ERCC2: variants seen among roughly 807,000 people sequenced by gnomAD.
The protein encoded by ERCC2 is ERCC excision repair 2, TFIIH core complex helicase subunit.
A neutral mutation model predicts 99.4 loss-of-function variants in ERCC2; 90 were observed. The ratio of observed to expected loss-of-function variants is 0.91; its 90% CI spans 0.76 to 1.08. The LOEUF (loss-of-function observed/expected upper bound fraction) is 1.08. Ranked by LOEUF, ERCC2 falls within the 50% of genes least tolerant of loss-of-function variation. ERCC2 has a pLI of 0.00. For synonymous variants in ERCC2, 497 were observed against 432.4 expected, an observed-to-expected ratio of 1.15 and a Z score of -1.85; for missense variants, 993 against 1,038.1, an observed-to-expected ratio of 0.96 and a Z score of 0.60.
At position 45,351,223 on chromosome 19, in the gene ERCC2, G is replaced by C; in HGVS notation, c.*406C>G. On this transcript the variant is annotated 3_prime_UTR_variant, in exon 23 of 23. Transcript: ENST00000391945. ...TGGCTGCCAGGCTGGACCTGGAGCT[G>C]GAGGGTGGATGTAACACTTGCCCCT... The C allele has an allele frequency of 1.3e-6, 2 of 1,591,786 alleles. No individual in the cohort carries two copies. Among genetic ancestry groups the C allele is most frequent in the Non-Finnish European group, 1.7e-6 (2 of 1,168,992 alleles).
At chr19:45,368,809 G>C in intron 4 of ERCC2, 66 bp from the exon 5 acceptor site, 1 of 1,553,974 alleles carries the variant, frequency 6.4e-7, no homozygotes, top group Non-Finnish European at 8.9e-7. Flanking sequence ...TGCCCTGCCA[G>C]GTCCCAGTCT....
At chr19:45,353,391 A>G in intron 17 of ERCC2, 57 bp from the exon 18 acceptor site, 1 of 1,200,062 alleles carries the variant, frequency 8.3e-7, no homozygotes, top group Non-Finnish European at 1.2e-6. Context: ...TCCTGGTTAC[A>G]TCCAACTCTT....
At chr19:45,359,506 G>A (rs1292273688) in intron 12 of ERCC2, among the ~76,000 whole-genome samples, 4 of 152,194 alleles carry the variant, frequency 2.6e-5, no homozygotes, top group African/African-American at 9.7e-5. Flanking sequence ...TTCACGCTGA[G>A]GATGGGGAGG....
intron 15 of ERCC2, 124 bp from the exon 16 acceptor site, chr19:45,355,852 A>G: frequency 1.3e-6 from 1 of 774,768 alleles, no homozygotes; most frequent in East Asian, 2.7e-5. Flanking sequence ...ACAGGGTGTC[A>G]CCATGTTGCC....
At chr19:45,355,617 C>T (rs752088460) in intron 16 of ERCC2, 48 bp downstream of exon 16, 6 of 1,506,676 alleles carry the variant, frequency 4.0e-6, no homozygotes, top group Non-Finnish European at 5.5e-6. Context: ...CTGACTGATA[C>T]ACCTCCCCTC....
In ERCC2 at chr19:45,363,768, C is replaced by T. The variant is rs751177434; in HGVS notation, c.1093G>A (p.Val365Met). The change falls in exon 11 of 23, where the codon GTG (valine) becomes ATG (methionine). Residue 365 changes from valine (V) to methionine (M), a missense_variant. By Grantham distance (21) the Val-to-Met change is conservative. Transcript: ENST00000391945. The part of the protein sequence containing the change: ...PAFLSGLAQR[V>M]CIQRKPLRFC... ...CTGAGGGGCTTGCGCTGGATGCACA[C>T]GCGCTGGGCCAGGCCGCTCAGGAAG... 2.6e-6 allele frequency: 4 copies of T among 1,536,658 alleles called. No individual in the cohort carries two copies. The highest frequency in any genetic ancestry group is 2.0e-5 in the Admixed American group (1 of 51,248).
intron 5 of ERCC2, among the ~76,000 whole-genome samples, chr19:45,367,364 TATATACACACACACACAC>T (rs1170303998): frequency 3.9e-5 from 4 of 102,166 alleles, no homozygotes; most frequent in Admixed American, 1.0e-4. Context: ...AATATATATA[TATATACACACACACACAC>T]ACACACACAC....
intron 15 of ERCC2, among the ~76,000 whole-genome samples, chr19:45,356,457 G>A (rs1972016604): frequency 6.6e-6 from 1 of 152,212 alleles, no homozygotes; most frequent in African/African-American, 2.4e-5. Flanking sequence ...AGACCCCACT[G>A]TGGGCATCAC....
chr19:45,353,757 A>G (rs923129682), intron 17 of ERCC2, among the ~76,000 whole-genome samples: 4 of 152,218 alleles, frequency 2.6e-5, no homozygotes, highest in Non-Finnish European at 5.9e-5. Flanking sequence ...TGTGCAGTTC[A>G]GTGGGGAGAG....
Position 45,364,839 on chromosome 19 carries a change from G to C in ERCC2, c.593C>G (p.Ser198Ter), listed in dbSNP as rs767895008. 1 of 1,607,302 alleles carries C rather than the reference G, an allele frequency of 6.2e-7. No individual in the cohort carries two copies. Among genetic ancestry groups the C allele is most frequent in the Non-Finnish European group, 8.5e-7 (1 of 1,173,878 alleles). Residue 198 changes from serine to a stop codon, truncating the protein, a stop_gained and splice_region_variant, in exon 7 of 23, where the codon TCA becomes TGA. Transcript: ENST00000391945. LOFTEE classifies it high-confidence loss of function. ...TGCCCATCCCACCAGCCTCCTCACTGAGTATCGAGCAAGGAAGTATGGGCA... is the reference window on the plus strand; with the variant it reads ...TGCCCATCCCACCAGCCTCCTCACTCAGTATCGAGCAAGGAAGTATGGGCA... ...GWCPYFLARYSILHANVVVYS... is the reference protein window; with the variant it reads ...GWCPYFLARY
rs765453943 is a variant in ERCC2, at chr19:45,350,620, G to A, written c.*1009C>T. 1.2e-6 allele frequency: 2 copies of A among 1,613,166 alleles called. No homozygotes were observed. Among genetic ancestry groups the A allele is most frequent in the Non-Finnish European group, 8.5e-7 (1 of 1,179,258 alleles). On this transcript the variant is annotated 3_prime_UTR_variant, in exon 23 of 23. Transcript: ENST00000391945. ...CTGCATGGGCCTGGGGGACTGAGCA[G>A]CATCCCCGGCCCCTCCCCAGGCCCT...
At position 45,351,291 on chromosome 19, in the gene ERCC2, C is replaced by G. The variant is rs779140648; in HGVS notation, c.*338G>C. On this transcript the variant is annotated 3_prime_UTR_variant, in exon 23 of 23. Transcript: ENST00000391945. ...TCCCCTGTGCCTGTCTCCAGTTTCC[C>G]AGCTGGCACCTGGACAAGGCCCCTC... The G allele has an allele frequency of 6.2e-7, 1 of 1,612,674 alleles. No individual in the cohort carries two copies. Among genetic ancestry groups the G allele is most frequent in the East Asian group, 2.2e-5 (1 of 44,876 alleles).
intron 12 of ERCC2, among the ~76,000 whole-genome samples, chr19:45,360,017 C>T (rs1323533469): frequency 6.6e-6 from 1 of 151,594 alleles, no homozygotes; most frequent in East Asian, 1.9e-4. Context: ...TCAGGTGATC[C>T]ACCCACCTCA....
intron 12 of ERCC2, among the ~76,000 whole-genome samples, chr19:45,359,241 T>C (rs1431080813): frequency 6.6e-6 from 1 of 152,034 alleles, no homozygotes; most frequent in African/African-American, 2.4e-5. Flanking sequence ...TGAGGAAGGA[T>C]GATCCAGGTG....
At position 45,363,850 on chromosome 19, in the gene ERCC2, C is replaced by A; in HGVS notation, c.1011G>T (p.Leu337=). Residue 337 remains leucine, a synonymous_variant, in exon 11 of 23, where the codon CTG becomes CTT. Transcript: ENST00000391945. ...EHFLGFLRRL[L]EYVKWRLRVQ... ...CACGCAGCCGCCACTTCACGTACTC[C>A]AGCAGCCGCCTCAGGAAGCCCAGGA... 6.5e-7 allele frequency: 1 copy of A among 1,549,574 alleles called. No individual in the cohort carries two copies. Among genetic ancestry groups the A allele is most frequent in the East Asian group, 2.4e-5 (1 of 41,712 alleles).
At position 45,368,980 on chromosome 19, in the gene ERCC2, C is replaced by G; in HGVS notation, c.196G>C (p.Glu66Gln). The change falls in exon 4 of 23, where the codon GAG becomes CAG. Residue 66 changes from glutamate (E) to glutamine (Q), a missense_variant. By Grantham distance (29) the Glu-to-Gln change is conservative. This residue lies in a region of ERCC2 where 29 missense variants were observed against 62.1 expected (regional missense o/e 0.47). Transcript: ENST00000391945. Reference protein sequence around the residue: ...IMAYQRAYPLEVTKLIYCSRT... With the variant: ...IMAYQRAYPLQVTKLIYCSRT... ...GAGCAGTAGATGAGTTTGGTCACCT[C>G]CAGCGGATATGCCTGCCGATAACAA... 1 of 1,614,220 alleles carries G rather than the reference C, an allele frequency of 6.2e-7. No individual in the cohort carries two copies. Among genetic ancestry groups the G allele is most frequent in the Non-Finnish European group, 8.5e-7 (1 of 1,180,040 alleles).
Position 45,350,906 on chromosome 19 carries a change from G to T in ERCC2, c.*723C>A. The T allele has an allele frequency of 1.3e-6, 2 of 1,595,066 alleles. No homozygotes were observed. The highest frequency in any genetic ancestry group is 1.7e-6 in the Non-Finnish European group (2 of 1,163,028). On this transcript the variant is annotated 3_prime_UTR_variant, in exon 23 of 23. Coordinates refer to ENST00000391945, the MANE Select transcript of ERCC2 (RefSeq NM_000400.4). The stretch of plus-strand genomic sequence containing the variant: ...TGCTGGAAAGGTCCCTCGTGGAGGG[G>T]GGCCACTCCTGGATTCACTCATTTC...
In ERCC2 at chr19:45,364,081, T is replaced by G; in HGVS notation, c.854A>C (p.Tyr285Ser). The G allele has an allele frequency of 6.3e-7, 1 of 1,598,538 alleles. No homozygotes were observed. Among genetic ancestry groups the G allele is most frequent in the Non-Finnish European group, 8.5e-7 (1 of 1,173,322 alleles). ...ETDEQRLRDE[Y>S]RRLVEGLREA... ...CCGCAGCCCCTCCACCAGACGCCGG[T>G]ACTCGTCCCGCAGGCGCTGCTCGTC... Residue 285 changes from tyrosine to serine, a missense_variant, in exon 10 of 23, where the codon TAC becomes TCC. Coordinates refer to ENST00000391945, the MANE Select transcript of ERCC2 (RefSeq NM_000400.4).
At position 45,352,732 on chromosome 19, in the gene ERCC2, ACAGAGCTACTCACCTT is replaced by A; in HGVS notation, c.1900_1902+13del. The A allele has an allele frequency of 6.2e-7, 1 of 1,613,844 alleles. No homozygotes were observed. The highest frequency in any genetic ancestry group is 8.5e-7 in the Non-Finnish European group (1 of 1,179,920). On this transcript the variant is annotated splice_donor_variant and splice_donor_5th_base_variant and coding_sequence_variant and intron_variant, in exon 20 of 23. Coordinates refer to ENST00000391945, the MANE Select transcript of ERCC2 (RefSeq NM_000400.4). LOFTEE classifies it high-confidence loss of function. ...CTAACACTGTGGGACTCCCTGGGAG[ACAGAGCTACTCACCTT>A]GAGAATGCGGCTCTGTGTGTAGACG...
Sources: allele counts gnomAD v4.1 joint callset (sites outside exome capture counted in the v4.1 genomes callset), GRCh38; gene constraint gnomAD v4.1.1; regional missense constraint gnomAD v4.1.1; transcripts MANE v1.5; gene names NCBI Gene and HGNC (gene_info 2026-07-23, HGNC 2026-07-21).